KCNIP4: variants seen among roughly 807,000 people sequenced by gnomAD.
The protein encoded by KCNIP4 is potassium voltage-gated channel interacting protein 4.
In KCNIP4, 12 loss-of-function variants were observed where a neutral mutation model predicts 34.0. The observed-to-expected ratio is 0.35, with a 90% CI of 0.23 to 0.57. The LOEUF is 0.57. Among genes scored for constraint, KCNIP4 ranks in the 20% least tolerant of loss-of-function variants. The pLI is 0.83. For missense variants in KCNIP4, 238 were observed against 311.7 expected (o/e 0.76, Z 1.78); for synonymous variants, 124 against 102.2 (o/e 1.21, Z -1.29).
chr4:21,016,113 A>C (rs2149739975), intron 1 of KCNIP4, among the ~76,000 whole-genome samples: 1 of 150,412 alleles, frequency 6.6e-6, no homozygotes, highest in South Asian at 2.1e-4. Flanking sequence ...TCACCTATGT[A>C]ATCTTCATTT....
chr4:20,981,064 T>G (rs1473937377), intron 1 of KCNIP4, among the ~76,000 whole-genome samples: 1 of 152,208 alleles, frequency 6.6e-6, no homozygotes, highest in South Asian at 2.1e-4. Flanking sequence ...GACAATGTCA[T>G]AGTCTAAATA....
At chr4:20,884,000 G>A (rs548307327) in intron 1 of KCNIP4, among the ~76,000 whole-genome samples, 1 of 152,244 alleles carries the variant, frequency 6.6e-6, no homozygotes, top group Admixed American at 6.5e-5. Flanking sequence ...TCCACTATTG[G>A]CCACACTACC....
intron 1 of KCNIP4, among the ~76,000 whole-genome samples, chr4:21,072,725 C>G (rs1029267560): frequency 8.6e-5 from 13 of 151,898 alleles, no homozygotes; most frequent in Non-Finnish European, 1.6e-4. Context: ...TTGCCCATGC[C>G]TATGTCCTGA....
intron 1 of KCNIP4, among the ~76,000 whole-genome samples, chr4:21,915,249 C>T (rs535848132): frequency 6.6e-6 from 1 of 152,150 alleles, no homozygotes; most frequent in South Asian, 2.1e-4. Flanking sequence ...TGAAATTGGC[C>T]AGAGAGGGAT....
Position 20,729,428 on chromosome 4 carries a change from T to TAAAATAAGTTTTA in KCNIP4, c.*641_*653dup, listed in dbSNP as rs1260081902. 3 of 152,278 alleles carry TAAAATAAGTTTTA rather than the reference T, an allele frequency of 2.0e-5. No homozygotes were observed. The East Asian group carries it at 5.8e-4, about 30-fold the overall frequency. The allele number at this position is 152,278 out of a possible 1,614,324, so 9.4% of individuals were successfully genotyped here. A position where few individuals can be genotyped will look rare whatever the true frequency, so the allele number is the denominator to read the frequency against. On this transcript the variant is annotated 3_prime_UTR_variant, in exon 9 of 9. Transcript: ENST00000382152. ...ATATTATGGAAAATTAAATGCTTAT[T>TAAAATAAGTTTTA]AAAATAAGTTTTATTAGGCATATGC...
At chr4:21,476,413 A>T (rs1003720258) in intron 1 of KCNIP4, among the ~76,000 whole-genome samples, 1 of 152,122 alleles carries the variant, frequency 6.6e-6, no homozygotes, top group African/African-American at 2.4e-5. Flanking sequence ...GGTTATAAAG[A>T]TGGGGCCATA....
intron 1 of KCNIP4, among the ~76,000 whole-genome samples, chr4:21,217,392 G>A (rs562923620): frequency 4.9e-4 from 72 of 148,190 alleles, no homozygotes; most frequent in African/African-American, 1.9e-3. Context: ...GAGGAGACAT[G>A]TGGGCAAAGG....
At chr4:21,176,000 A>G (rs1237271680) in intron 1 of KCNIP4, among the ~76,000 whole-genome samples, 4 of 152,044 alleles carry the variant, frequency 2.6e-5, no homozygotes, top group Admixed American at 6.6e-5. Flanking sequence ...TCCCATTGCA[A>G]TAATCTTGAC....
chr4:21,440,974 T>C (rs1326727848), intron 1 of KCNIP4, among the ~76,000 whole-genome samples: 1 of 152,164 alleles, frequency 6.6e-6, no homozygotes, highest in Non-Finnish European at 1.5e-5. Context: ...TTATGAAATA[T>C]GCAATCAGTA....
At chr4:21,656,259 G>A (rs376756463) in intron 1 of KCNIP4, among the ~76,000 whole-genome samples, 1 of 152,092 alleles carries the variant, frequency 6.6e-6, no homozygotes, top group African/African-American at 2.4e-5. Flanking sequence ...CCTCCTGTGT[G>A]AGCCTGTGTT....
At chr4:21,151,192 G>A (rs919982178) in intron 1 of KCNIP4, among the ~76,000 whole-genome samples, 2 of 152,008 alleles carry the variant, frequency 1.3e-5, no homozygotes, top group African/African-American at 4.8e-5. Context: ...GTCATAGGAG[G>A]TGGATTTTAG....
At chr4:21,500,839 A>C (rs947898578) in intron 1 of KCNIP4, among the ~76,000 whole-genome samples, 13 of 152,126 alleles carry the variant, frequency 8.5e-5, no homozygotes, top group Non-Finnish European at 1.8e-4. Context: ...GGAAGTTAAA[A>C]ATTATACTGT....
At chr4:20,888,421 G>A (rs1253829727) in intron 1 of KCNIP4, among the ~76,000 whole-genome samples, 1 of 152,094 alleles carries the variant, frequency 6.6e-6, no homozygotes, top group Admixed American at 6.6e-5. Context: ...GATGCATTTA[G>A]AATGTACATA....
At chr4:21,518,469 G>T (rs375270991) in intron 1 of KCNIP4, among the ~76,000 whole-genome samples, 4 of 152,070 alleles carry the variant, frequency 2.6e-5, no homozygotes, top group African/African-American at 9.7e-5. Flanking sequence ...GAGATGCAGC[G>T]GGTGAAGGTG....
At chr4:21,569,234 T>TAAAGAAAAA (rs1740162779) in intron 1 of KCNIP4, among the ~76,000 whole-genome samples, 1 of 25,176 alleles carries the variant, frequency 4.0e-5, no homozygotes, top group Non-Finnish European at 6.9e-5. Context: ...ACTGATATTC[T>TAAAGAAAAA]AAAAAAAAAA....
intron 1 of KCNIP4, among the ~76,000 whole-genome samples, chr4:21,894,649 A>G (rs899678627): frequency 7.9e-5 from 12 of 152,354 alleles, no homozygotes; most frequent in Non-Finnish European, 1.6e-4. Context: ...TTAAAAATTT[A>G]CATTCTGATT....
At chr4:21,262,172 C>A (rs1283598048) in intron 1 of KCNIP4, among the ~76,000 whole-genome samples, 1 of 151,992 alleles carries the variant, frequency 6.6e-6, no homozygotes, top group African/African-American at 2.4e-5. Flanking sequence ...AACCTTTTTC[C>A]CCTTTCTACA....
At chr4:20,842,632 G>C (rs1180603798) in intron 3 of KCNIP4, among the ~76,000 whole-genome samples, 1 of 142,508 alleles carries the variant, frequency 7.0e-6, no homozygotes, top group Non-Finnish European at 1.5e-5. Context: ...GTTTTAAGTA[G>C]GAACTGACTG....
chr4:21,439,052 C>T (rs1307490886), intron 1 of KCNIP4, among the ~76,000 whole-genome samples: 5 of 151,632 alleles, frequency 3.3e-5, no homozygotes, highest in African/African-American at 4.8e-5. Context: ...GTCCCAGGTA[C>T]TCGGGAGGCT....
Sources: gnomAD v4.1 joint callset for allele counts (sites outside exome capture counted in the v4.1 genomes callset) on GRCh38, gnomAD v4.1.1 for gene constraint, MANE v1.5 for transcripts, NCBI Gene and HGNC (gene_info 2026-07-23, HGNC 2026-07-21) for gene names.